Variants in IL1RAP observed in about 807,000 individuals in gnomAD.
IL1RAP encodes the protein interleukin 1 receptor accessory protein, also known as interleukin-1 receptor accessory protein.
A neutral mutation model predicts 60.7 loss-of-function variants in IL1RAP; 35 were observed. That is an observed-to-expected ratio of 0.58 (90% CI 0.44 to 0.76). The LOEUF is 0.76. Ranked by LOEUF, IL1RAP falls within the 30% of genes least tolerant of loss-of-function variation. The probability of loss-of-function intolerance (pLI) is 0.00; values close to 1 mark genes in which losing one functional copy is unlikely to be tolerated. For synonymous variants in IL1RAP, 268 were observed against 250.9 expected (o/e 1.07, Z -0.64); for missense variants, 572 against 693.9 (o/e 0.82, Z 1.97).
chr3:190,617,987 A>C (rs1030487611), intron 5 of IL1RAP, among the ~76,000 whole-genome samples: 5 of 152,226 alleles, frequency 3.3e-5, no homozygotes, highest in Non-Finnish European at 7.3e-5. Flanking sequence ...TACTGTTGAC[A>C]AGTTCAGTAA....
At chr3:190,528,527 G>A (rs1212706753) in intron 1 of IL1RAP, among the ~76,000 whole-genome samples, 1 of 152,132 alleles carries the variant, frequency 6.6e-6, no homozygotes, top group African/African-American at 2.4e-5. Flanking sequence ...AGGGAGGCTT[G>A]GTAGGGATAA....
At chr3:190,656,865 G>C (rs893296702) in exon 12 of IL1RAP, 3 of 377,098 alleles carry the variant, frequency 8.0e-6, no homozygotes, top group Admixed American at 4.2e-5. Context: ...CCTAAAGTCT[G>C]ATCCTCTATC....
At chr3:190,588,418 T>G (rs1404590912) in intron 3 of IL1RAP, among the ~76,000 whole-genome samples, 1 of 152,208 alleles carries the variant, frequency 6.6e-6, no homozygotes, top group African/African-American at 2.4e-5. Context: ...GGCCTACATC[T>G]TTCTAAGCAA....
At position 190,617,058 on chromosome 3, in the gene IL1RAP, T is replaced by A. The variant is rs140367239; in HGVS notation, c.538-3217T>A. Among the ~76,000 whole-genome samples the A allele has an allele frequency of 1.2e-4, 19 of 152,370 alleles. No homozygotes were observed. The East Asian group carries it at 3.7e-3, about 29-fold the overall frequency. ...CTGTGCCTGAAGTGTCTACTTCCCA[T>A]GTCTACCTTCTTCCTCAACAGATGT... On this transcript the variant is annotated intron_variant, in intron 5 of 11. Coordinates refer to ENST00000447382, the MANE Select transcript of IL1RAP (RefSeq NM_002182.4).
At chr3:190,532,795 G>A (rs1723106398) in intron 1 of IL1RAP, among the ~76,000 whole-genome samples, 2 of 152,180 alleles carry the variant, frequency 1.3e-5, no homozygotes, top group South Asian at 4.1e-4. Context: ...GTACTCTGAT[G>A]TGTCTGACAG....
chr3:190,611,271 T>C (rs965109147), intron 5 of IL1RAP, among the ~76,000 whole-genome samples: 2 of 152,180 alleles, frequency 1.3e-5, no homozygotes, highest in Non-Finnish European at 2.9e-5. Flanking sequence ...TACATATTGA[T>C]TCATATTACC....
Position 190,650,016 on chromosome 3 carries a change from C to T in IL1RAP, c.*1311C>T, listed in dbSNP as rs543086572. On this transcript the variant is annotated 3_prime_UTR_variant, in exon 12 of 12. Transcript: ENST00000447382. The stretch of plus-strand genomic sequence containing the variant: ...AATTATATATATACATATCCACACA[C>T]ATACATTACATATATCTGTGTATAT... 75 of 537,256 alleles carry T rather than the reference C, an allele frequency of 1.4e-4. No homozygotes were observed. In the African/African-American group the frequency reaches 1.4e-3, roughly 10 times the overall value. The allele number at this position is 537,256 out of a possible 1,614,324, so 33.3% of individuals were successfully genotyped here. A position where few individuals can be genotyped will look rare whatever the true frequency, so the allele number is the denominator to read the frequency against.
chr3:190,615,886 A>C (rs184406674), intron 5 of IL1RAP, among the ~76,000 whole-genome samples: 2 of 152,266 alleles, frequency 1.3e-5, no homozygotes, highest in East Asian at 3.9e-4. Flanking sequence ...CTGTGTAGTA[A>C]GCCTTATTTT....
At chr3:190,576,943 T>C (rs1440736662) in intron 3 of IL1RAP, among the ~76,000 whole-genome samples, 1 of 150,576 alleles carries the variant, frequency 6.6e-6, no homozygotes, top group Non-Finnish European at 1.5e-5. Flanking sequence ...CTACTAAAAA[T>C]ACAAAAAATT....
At chr3:190,628,225 A>G (rs1732482269) in intron 8 of IL1RAP, among the ~76,000 whole-genome samples, 1 of 152,200 alleles carries the variant, frequency 6.6e-6, no homozygotes, top group South Asian at 2.1e-4. Context: ...GGCTCACTGC[A>G]CCAATTAAAA....
intron 3 of IL1RAP, among the ~76,000 whole-genome samples, chr3:190,596,937 G>A (rs564636726): frequency 9.2e-5 from 14 of 152,224 alleles, no homozygotes; most frequent in African/African-American, 3.4e-4. Context: ...AATGCGCTCA[G>A]GTGGCTGTCT....
At position 190,645,787 on chromosome 3, in the gene IL1RAP, G is replaced by A. The variant is rs1364494464; in HGVS notation, c.1290G>A (p.Glu430=). 1 of 1,613,852 alleles carries A rather than the reference G, an allele frequency of 6.2e-7. No homozygotes were observed. Among genetic ancestry groups the A allele is most frequent in the East Asian group, 2.2e-5 (1 of 44,866 alleles). ...TACTGACCCTCCGTGGAGTTTTGGA[G>A]AATGAATTTGGATACAAGCTGTGCA... ...FVLLTLRGVL[E]NEFGYKLCIF... is the part of the protein sequence containing the mutation. The change falls in exon 11 of 12, where the codon GAG becomes GAA. Residue 430 remains glutamate, a synonymous_variant. Transcript: ENST00000447382.
chr3:190,543,468 T>C (rs115221073), intron 1 of IL1RAP, among the ~76,000 whole-genome samples: 2 of 152,102 alleles, frequency 1.3e-5, no homozygotes, highest in African/African-American at 4.8e-5. Context: ...TACACACTTA[T>C]TTAATAGTAC....
intron 3 of IL1RAP, among the ~76,000 whole-genome samples, chr3:190,589,596 G>A (rs1413770870): frequency 1.3e-5 from 2 of 152,186 alleles, no homozygotes; most frequent in African/African-American, 2.4e-5. Context: ...AGTTTCCTGA[G>A]AATTGCTGGG....
At chr3:190,608,238 T>TAC (rs540194634) in intron 4 of IL1RAP, among the ~76,000 whole-genome samples, 81 of 152,318 alleles carry the variant, frequency 5.3e-4, no homozygotes, top group Admixed American at 1.8e-3. Flanking sequence ...TAGAGCCTAC[T>TAC]ACACACCTAG....
At chr3:190,576,746 C>T (rs1212061055) in intron 3 of IL1RAP, among the ~76,000 whole-genome samples, 7 of 152,094 alleles carry the variant, frequency 4.6e-5, no homozygotes, top group Admixed American at 4.6e-4. Context: ...TTGTAATGAA[C>T]CATACATGCT....
At chr3:190,610,812 A>G (rs1560211756) in intron 5 of IL1RAP, among the ~76,000 whole-genome samples, 1 of 152,210 alleles carries the variant, frequency 6.6e-6, no homozygotes, top group African/African-American at 2.4e-5. Flanking sequence ...TAATGATACA[A>G]TTTGGGAGTC....
chr3:190,631,487 C>A (rs1464987142), intron 9 of IL1RAP, among the ~76,000 whole-genome samples: 1 of 152,164 alleles, frequency 6.6e-6, no homozygotes, highest in East Asian at 1.9e-4. Context: ...TTTGGTCACA[C>A]CTGTGTATTT....
In IL1RAP at chr3:190,648,347, A is replaced by G; in HGVS notation, c.1355A>G (p.Asp452Gly). The change falls in exon 12 of 12, where the codon GAT becomes GGT. Residue 452 changes from aspartate (D) to glycine (G), a missense_variant. Asp to Gly is a moderately conservative substitution (Grantham distance 94). Transcript: ENST00000447382. Reference protein sequence around the residue: ...RDSLPGGIVTDETLSFIQKSR... With the variant: ...RDSLPGGIVTGETLSFIQKSR... The stretch of plus-strand genomic sequence containing the variant: ...TTGTTTTCTTTCCCAGTTGTCACAG[A>G]TGAGACTTTGAGCTTCATTCAGAAA... 1 of 1,586,048 alleles carries G rather than the reference A, an allele frequency of 6.3e-7. No individual in the cohort carries two copies. The highest frequency in any genetic ancestry group is 1.2e-5 in the South Asian group (1 of 86,332).
Sources: gnomAD v4.1 joint callset for allele counts (sites outside exome capture counted in the v4.1 genomes callset) on GRCh38, gnomAD v4.1.1 for gene constraint, MANE v1.5 for transcripts, NCBI Gene and HGNC (gene_info 2026-07-23, HGNC 2026-07-21) for gene names.